DIAPH3: variants seen among roughly 807,000 people sequenced by gnomAD.
DIAPH3 encodes protein diaphanous homolog 3.
Under a neutral mutation model 144.3 loss-of-function variants are expected in DIAPH3, and 117 were observed. The ratio of observed to expected loss-of-function variants is 0.81; its 90% CI spans 0.70 to 0.95. The LOEUF is 0.95. Among genes scored for constraint, DIAPH3 ranks in the 40% least tolerant of loss-of-function variants. The pLI is 0.00. For synonymous variants in DIAPH3, 519 were observed against 488.9 expected (o/e 1.06, Z -0.81); for missense variants, 1,421 against 1,412.7 (o/e 1.01, Z -0.09).
chr13:59,928,893 A>T (rs1339110734), intron 17 of DIAPH3, among the ~76,000 whole-genome samples: 2 of 152,166 alleles, frequency 1.3e-5, no homozygotes, highest in Non-Finnish European at 1.5e-5. Context: ...GAATGGCAGT[A>T]ACAGTCAGGT....
intron 5 of DIAPH3, among the ~76,000 whole-genome samples, chr13:60,035,247 T>C (rs914359161): frequency 6.6e-6 from 1 of 152,196 alleles, no homozygotes; most frequent in African/African-American, 2.4e-5. Context: ...GTGCTCTTTG[T>C]TTACTGTTAA....
chr13:60,009,712 A>G (rs898419216), intron 8 of DIAPH3, among the ~76,000 whole-genome samples: 1 of 152,090 alleles, frequency 6.6e-6, no homozygotes, highest in Admixed American at 6.6e-5. Flanking sequence ...GTCTTTGACT[A>G]TCCAACCATC....
At chr13:59,866,885 C>G (rs886544664) in intron 21 of DIAPH3, among the ~76,000 whole-genome samples, 1 of 151,650 alleles carries the variant, frequency 6.6e-6, no homozygotes, top group Non-Finnish European at 1.5e-5. Context: ...AACACAATTG[C>G]TCAGACAGAA....
chr13:60,072,260 C>T (rs928497828), intron 4 of DIAPH3, among the ~76,000 whole-genome samples: 1 of 152,208 alleles, frequency 6.6e-6, no homozygotes, highest in African/African-American at 2.4e-5. Flanking sequence ...CTCTACCTCT[C>T]TCCACTGTAC....
intron 25 of DIAPH3, among the ~76,000 whole-genome samples, chr13:59,795,336 G>A (rs1001551214): frequency 2.7e-4 from 41 of 152,138 alleles, no homozygotes; most frequent in African/African-American, 8.9e-4. Context: ...AGAACTATCT[G>A]AAAAGAAATC....
intron 23 of DIAPH3, among the ~76,000 whole-genome samples, chr13:59,835,893 T>C (rs906659233): frequency 6.6e-6 from 1 of 151,844 alleles, no homozygotes; most frequent in Non-Finnish European, 1.5e-5. Flanking sequence ...AATCTTTCTC[T>C]CAATGAATTT....
Position 60,005,313 on chromosome 13 carries a change from A to G in DIAPH3, c.1014+3231T>C, listed in dbSNP as rs117037231. 3.7e-3 allele frequency among the ~76,000 whole-genome samples: 571 copies of G among 152,316 alleles called. 2 individuals are homozygous for G. Among genetic ancestry groups the G allele is most frequent in the Non-Finnish European group, 4.9e-3 (335 of 68,034 alleles). Reference sequence around the variant, plus strand: ...AATGTCTGGAATATGCAACTCTATAAAGACAGAAAGTAGATCAATAGTTGT... The same window carrying G: ...AATGTCTGGAATATGCAACTCTATAGAGACAGAAAGTAGATCAATAGTTGT... On this transcript the variant is annotated intron_variant, in intron 9 of 27. Transcript: ENST00000400324.
chr13:59,843,290 A>C (rs1319005891), intron 22 of DIAPH3, among the ~76,000 whole-genome samples: 3 of 152,164 alleles, frequency 2.0e-5, no homozygotes, highest in African/African-American at 7.2e-5. Context: ...GGTGTAAGAG[A>C]AGCACATTTT....
intron 5 of DIAPH3, chr13:60,021,041 A>G (rs912101202): frequency 3.9e-5 from 6 of 152,256 alleles, no homozygotes; most frequent in African/African-American, 1.4e-4. Flanking sequence ...AAAACCACAT[A>G]TGTAATGCCA....
At chr13:59,890,793 C>T (rs942598076) in intron 20 of DIAPH3, among the ~76,000 whole-genome samples, 8 of 151,730 alleles carry the variant, frequency 5.3e-5, no homozygotes, top group East Asian at 1.9e-4. Context: ...GGAGCTGTTT[C>T]GAGGCTATGT....
At chr13:60,027,885 G>A (rs1219329242) in intron 5 of DIAPH3, among the ~76,000 whole-genome samples, 2 of 152,008 alleles carry the variant, frequency 1.3e-5, no homozygotes, top group Non-Finnish European at 2.9e-5. Flanking sequence ...AGACGTTATG[G>A]TCACATTTCA....
At chr13:60,150,434 G>A (rs1008091740) in intron 1 of DIAPH3, among the ~76,000 whole-genome samples, 6 of 152,172 alleles carry the variant, frequency 3.9e-5, no homozygotes, top group African/African-American at 1.4e-4. Flanking sequence ...AAAAGGAGAT[G>A]ACCAAAGAGC....
At chr13:60,010,812 T>A in intron 7 of DIAPH3, 143 bp from the exon 8 acceptor site, 2 of 840,596 alleles carry the variant, frequency 2.4e-6, no homozygotes, top group Non-Finnish European at 3.6e-6. Flanking sequence ...TGTAACACTC[T>A]AAAAAGTTCA....
chr13:59,956,105 A>T (rs1404583060), intron 17 of DIAPH3, among the ~76,000 whole-genome samples: 2 of 152,212 alleles, frequency 1.3e-5, no homozygotes, highest in Non-Finnish European at 2.9e-5. Context: ...AAGTTCAAAA[A>T]ATTTGCAGCC....
At chr13:60,066,950 G>C (rs894687783) in intron 4 of DIAPH3, among the ~76,000 whole-genome samples, 1 of 152,160 alleles carries the variant, frequency 6.6e-6, no homozygotes, top group Non-Finnish European at 1.5e-5. Flanking sequence ...GTTTATGGAA[G>C]TATATAATTG....
At chr13:59,667,165 C>A (rs570560694) in intron 27 of DIAPH3, among the ~76,000 whole-genome samples, 9 of 152,272 alleles carry the variant, frequency 5.9e-5, no homozygotes, top group Admixed American at 5.9e-4. Flanking sequence ...CAAACACCAC[C>A]TAAAAAGAGA....
At chr13:59,744,959 C>T (rs78330698) in intron 27 of DIAPH3, among the ~76,000 whole-genome samples, 1,818 of 152,206 alleles carry the variant, frequency 0.012, 34 homozygotes, top group African/African-American at 0.042. Context: ...TCACCCTGGC[C>T]TCACCCCTTA....
At chr13:60,088,105 T>C (rs2057808554) in intron 4 of DIAPH3, among the ~76,000 whole-genome samples, 2 of 151,978 alleles carry the variant, frequency 1.3e-5, no homozygotes, top group African/African-American at 4.8e-5. Flanking sequence ...TGCTAAGAGG[T>C]AGCAGTCCAG....
intron 20 of DIAPH3, among the ~76,000 whole-genome samples, chr13:59,899,123 C>T (rs934394511): frequency 7.2e-5 from 11 of 152,258 alleles, no homozygotes; most frequent in East Asian, 3.9e-4. Flanking sequence ...TCTCAGGCTT[C>T]GGTCACAGAC....
Sources: gnomAD v4.1 joint callset for allele counts (sites outside exome capture counted in the v4.1 genomes callset) on GRCh38, gnomAD v4.1.1 for gene constraint, MANE v1.5 for transcripts, NCBI Gene and HGNC (gene_info 2026-07-23, HGNC 2026-07-21) for gene names.